CD4: variants seen among roughly 807,000 people sequenced by gnomAD.
The protein encoded by CD4 is CD4 molecule, also known as T-cell surface glycoprotein CD4.
A neutral mutation model predicts 50.5 loss-of-function variants in CD4; 25 were observed. That is an observed-to-expected ratio of 0.49 (90% CI 0.36 to 0.69). The LOEUF (loss-of-function observed/expected upper bound fraction) is 0.69. CD4 is among the 30% of genes least tolerant of loss of function. The pLI is 0.00. For synonymous variants in CD4, 207 were observed against 221.9 expected (o/e 0.93, Z 0.60); for missense variants, 456 against 548.5 (o/e 0.83, Z 1.68).
At chr12:6,801,685 C>G (rs1423990543) in intron 3 of CD4, among the ~76,000 whole-genome samples, 1 of 145,452 alleles carries the variant, frequency 6.9e-6, no homozygotes, top group Admixed American at 6.8e-5. Flanking sequence ...CTCAGCCTCC[C>G]GAGTAGCTGG....
intron 3 of CD4, among the ~76,000 whole-genome samples, chr12:6,812,068 G>A (rs1005035112): frequency 6.6e-6 from 1 of 152,040 alleles, no homozygotes; most frequent in Non-Finnish European, 1.5e-5. Context: ...TTTAATCCTA[G>A]CTCCACCACT....
chr12:6,810,980 T>A (rs1319422521), intron 3 of CD4, among the ~76,000 whole-genome samples: 3 of 151,886 alleles, frequency 2.0e-5, no homozygotes, highest in African/African-American at 7.3e-5. Context: ...GCTGAGGCTG[T>A]GAGGTTGTCT....
At chr12:6,817,989 C>T (rs372629563) in intron 7 of CD4, among the ~76,000 whole-genome samples, 52 of 152,202 alleles carry the variant, frequency 3.4e-4, no homozygotes, top group East Asian at 1.9e-3. Context: ...CACACACGCG[C>T]GCGCACATGC....
intron 6 of CD4, 22 bp from the exon 7 acceptor site, chr12:6,817,108 T>G (rs201648951): frequency 3.1e-6 from 5 of 1,606,820 alleles, no homozygotes; most frequent in Non-Finnish European, 4.3e-6. Context: ...GCCTTTGATC[T>G]CAGCCTCTCG....
Position 6,818,765 on chromosome 12 carries a change from C to A in CD4, c.1279-82C>A. 7.5e-7 allele frequency: 1 copy of A among 1,337,166 alleles called. No individual in the cohort carries two copies. Among genetic ancestry groups the A allele is most frequent in the Non-Finnish European group, 1.1e-6 (1 of 928,294 alleles). 82.8% of individuals were successfully genotyped at this position (1,337,166 alleles called of 1,614,324 possible). On this transcript the variant is annotated intron_variant, in intron 8 of 9. Transcript: ENST00000011653. This position sits in a 1 kb window ranked among gnomAD's most constrained non-coding sequence, Gnocchi z 5.0. ...CATGTAACTGCTTCTCCTGTCGCAG[C>A]TTCCCCCACTCCCCCCACCAAGGGG... is the stretch of plus-strand genomic sequence containing the variant.
At position 6,800,053 on chromosome 12, in the gene CD4, T is replaced by C; in HGVS notation, c.-67-19T>C. The stretch of plus-strand genomic sequence containing the variant: ...GGTCCAGTAAATGTTTGCTGACTAA[T>C]GATTGGCATTTCCCTCAGGCCCTGC... On this transcript the variant is annotated intron_variant, in intron 1 of 9. Coordinates refer to ENST00000011653, the MANE Select transcript of CD4 (RefSeq NM_000616.5). The C allele has an allele frequency of 3.4e-6, 4 of 1,184,908 alleles. No homozygotes were observed. The highest frequency in any genetic ancestry group is 3.8e-6 in the Non-Finnish European group (3 of 791,920). 73.4% of individuals were successfully genotyped at this position (1,184,908 alleles called of 1,614,324 possible). A position where few individuals can be genotyped will look rare whatever the true frequency, so the allele number is the denominator to read the frequency against.
In CD4 at chr12:6,812,437, C is replaced by T. The variant is rs1349211164; in HGVS notation, c.215-1705C>T. Among the ~76,000 whole-genome samples, 3 of 152,180 alleles carry T rather than the reference C, an allele frequency of 2.0e-5. No individual in the cohort carries two copies. The East Asian group carries it at 5.8e-4, about 29-fold the overall frequency. ...GCTCACGCCTGTAACCCCAGCACTT[C>T]GGGAGGCCAAGGCGAGCGGATCACC... On this transcript the variant is annotated intron_variant, in intron 3 of 9. Coordinates refer to ENST00000011653, the MANE Select transcript of CD4 (RefSeq NM_000616.5).
intron 7 of CD4, 97 bp downstream of exon 7, chr12:6,817,427 G>T (rs1172033555): frequency 1.9e-6 from 2 of 1,046,754 alleles, no homozygotes; most frequent in African/African-American, 1.6e-5. Context: ...CAATGCCTGA[G>T]TTGGGGGGTT....
At chr12:6,809,353 G>A (rs1034271213) in intron 3 of CD4, among the ~76,000 whole-genome samples, 3 of 152,010 alleles carry the variant, frequency 2.0e-5, no homozygotes, top group Non-Finnish European at 4.4e-5. Context: ...AAAGTTAGTC[G>A]GGAGTGGTGG....
intron 3 of CD4, among the ~76,000 whole-genome samples, chr12:6,804,304 T>C (rs920852043): frequency 2.0e-5 from 3 of 151,794 alleles, no homozygotes; most frequent in Non-Finnish European, 2.9e-5. Context: ...ACTACTCTTA[T>C]TCAACATAAT....
Position 6,819,561 on chromosome 12 carries a change from A to C in CD4, c.*232A>C. The C allele has an allele frequency of 1.7e-6, 1 of 577,532 alleles. No homozygotes were observed. Among genetic ancestry groups the C allele is most frequent in the Non-Finnish European group, 3.1e-6 (1 of 322,908 alleles). The allele number at this position is 577,532 out of a possible 1,614,324, so 35.8% of individuals were successfully genotyped here. A position where few individuals can be genotyped will look rare whatever the true frequency, so the allele number is the denominator to read the frequency against. ...CCTCCACGCCATTTCCTTTTCCTTC[A>C]AGCCTAGCCCTTCTCTCATTATTTC... On this transcript the variant is annotated 3_prime_UTR_variant, in exon 10 of 10. Transcript: ENST00000011653.
chr12:6,803,189 C>T (rs782568492), intron 3 of CD4, among the ~76,000 whole-genome samples: 5 of 152,020 alleles, frequency 3.3e-5, no homozygotes, highest in Admixed American at 1.3e-4. Context: ...CTCATTTGGA[C>T]GCCTAGGCTG....
rs1555118071 is a variant in CD4 at position 6,817,217 on chromosome 12, AGGCAAAGGT to A, written c.1044_1052del (p.Glu348_Val351delinsAsp). 6.2e-7 allele frequency: 1 copy of A among 1,613,906 alleles called. No homozygotes were observed. Among genetic ancestry groups the A allele is most frequent in the Admixed American group, 1.7e-5 (1 of 60,000 alleles). ...CTGAGTTTGAAACTGGAGAACAAGG[AGGCAAAGGT>A]CTCGAAGCGGGAGAAGGCGGTGTGG... On this transcript the variant is annotated inframe_deletion, in exon 7 of 10. Transcript: ENST00000011653.
chr12:6,798,218 G>A lies in CD4; in HGVS notation c.-67-1854G>A, dbSNP rs748779762. On this transcript the variant is annotated intron_variant, in intron 1 of 9. Transcript: ENST00000011653. ...AGAGTCTTGCTCTGTCGCCCAGGCT[G>A]GAGTGCAGTGGCGCGATCTCGGCTC... Among the ~76,000 whole-genome samples the A allele has an allele frequency of 4.4e-5, 6 of 134,922 alleles. 2 individuals are homozygous for A. Among genetic ancestry groups the A allele is most frequent in the Non-Finnish European group, 1.0e-4 (6 of 60,096 alleles). 88.5% of individuals were successfully genotyped at this position (134,922 alleles called of 152,430 possible). A position where few individuals can be genotyped will look rare whatever the true frequency, so the allele number is the denominator to read the frequency against.
At position 6,818,214 on chromosome 12, in the gene CD4, TC is replaced by T. The variant is rs1314335942; in HGVS notation, c.1157-206del. Among the ~76,000 whole-genome samples the T allele has an allele frequency of 2.6e-5, 4 of 152,126 alleles. No individual in the cohort carries two copies. The highest frequency in any genetic ancestry group is 2.0e-4 in the Admixed American group (3 of 15,262). Reference sequence around the variant, plus strand: ...CAGGAGCCAGACCACAGCTTCTCTCTCTCCAGAGTGCCCTGGATATGGATAT... The same window carrying T: ...CAGGAGCCAGACCACAGCTTCTCTCTTCCAGAGTGCCCTGGATATGGATAT... On this transcript the variant is annotated intron_variant, in intron 7 of 9. Transcript: ENST00000011653. This position sits in a 1 kb window ranked among gnomAD's most constrained non-coding sequence, Gnocchi z 5.0.
rs1943023209 is a variant in CD4, at chr12:6,814,189, G to T, written c.262G>T (p.Asp88Tyr). 1 of 1,613,998 alleles carries T rather than the reference G, an allele frequency of 6.2e-7. No individual in the cohort carries two copies. Among genetic ancestry groups the T allele is most frequent in the Non-Finnish European group, 8.5e-7 (1 of 1,180,018 alleles). The change falls in exon 4 of 10, where the codon GAC (aspartate) becomes TAC (tyrosine). Residue 88 changes from aspartate to tyrosine, a missense_variant. By Grantham distance (160) the Asp-to-Tyr change is radical. Transcript: ENST00000011653. ...DRADSRRSLW[D>Y]QGNFPLIIKN... ...CGCTGACTCAAGAAGAAGCCTTTGG[G>T]ACCAAGGAAACTTTCCCCTGATCAT...
At chr12:6,817,444 A>G in intron 7 of CD4, 114 bp downstream of exon 7, 1 of 878,806 alleles carries the variant, frequency 1.1e-6, no homozygotes, top group Non-Finnish European at 1.8e-6. Context: ...GGTTATGGGT[A>G]TGGTGTCCTC....
chr12:6,818,342 G>A lies in CD4; in HGVS notation c.1157-79G>A. On this transcript the variant is annotated intron_variant, in intron 7 of 9. Transcript: ENST00000011653. The surrounding 1 kb of genome is among the most constrained non-coding windows in gnomAD (Gnocchi z 5.0). ...CCAGGGTCAAACCAGAGACTGGCCAGGAGGGATTGCAGGGCAGTCCTCAGT... is the reference window on the plus strand; with the variant it reads ...CCAGGGTCAAACCAGAGACTGGCCAAGAGGGATTGCAGGGCAGTCCTCAGT... The A allele has an allele frequency of 1.3e-6, 2 of 1,562,984 alleles. No individual in the cohort carries two copies. The highest frequency in any genetic ancestry group is 1.7e-6 in the Non-Finnish European group (2 of 1,149,064).
intron 3 of CD4, among the ~76,000 whole-genome samples, chr12:6,806,889 C>T (rs953254628): frequency 1.8e-4 from 27 of 152,294 alleles, no homozygotes; most frequent in Non-Finnish European, 3.2e-4. Context: ...AACATGCGGC[C>T]GGGCGCGGTA....
Sources: gnomAD v4.1 joint callset for allele counts (sites outside exome capture counted in the v4.1 genomes callset) on GRCh38, gnomAD v4.1.1 for gene constraint, Gnocchi (gnomAD v3.1) non-coding constraint, MANE v1.5 for transcripts, NCBI Gene and HGNC (gene_info 2026-07-23, HGNC 2026-07-21) for gene names.